Variants in TLN2 observed in about 807,000 individuals in gnomAD.
The protein encoded by TLN2 is talin 2.
Under a neutral mutation model 294.7 loss-of-function variants are expected in TLN2, and 118 were observed. The ratio of observed to expected loss-of-function variants is 0.40; its 90% confidence interval spans 0.34 to 0.47. The LOEUF (loss-of-function observed/expected upper bound fraction) is 0.47, where lower values mean the gene tolerates loss of function less well. Among genes scored for constraint, TLN2 ranks in the 20% least tolerant of loss-of-function variants. The probability of loss-of-function intolerance (pLI) is 0.84; values close to 1 mark genes in which losing one functional copy is unlikely to be tolerated. For synonymous variants in TLN2, 1,431 were observed against 1,304.5 expected (o/e 1.10, Z -2.09); for missense variants, 3,083 against 3,282.2 (o/e 0.94, Z 1.48).
Position 62,702,711 on chromosome 15 carries a change from T to C in TLN2, c.1906-55T>C, listed in dbSNP as rs2058790815. 1.8e-5 allele frequency: 27 copies of C among 1,530,874 alleles called. No homozygotes were observed. In the South Asian group the frequency reaches 2.8e-4, roughly 16 times the overall value. The allele number at this position is 1,530,874 out of a possible 1,614,324, so 94.8% of individuals were successfully genotyped here. ...CTACTTCCTGTACTTCCATGTCTGA[T>C]GGCACTGGAGGAAATGCGTTTTCTT... On this transcript the variant is annotated intron_variant, in intron 18 of 58. Coordinates refer to ENST00000636159, the MANE Select transcript of TLN2 (RefSeq NM_015059.3).
chr15:62,456,445 T>A (rs1477361091), intron 1 of TLN2, among the ~76,000 whole-genome samples: 1 of 152,222 alleles, frequency 6.6e-6, no homozygotes, highest in Non-Finnish European at 1.5e-5. Context: ...GATTTATGTG[T>A]TCCCTGGGTG....
intron 1 of TLN2, among the ~76,000 whole-genome samples, chr15:62,497,300 A>T (rs1460024061): frequency 6.6e-6 from 1 of 152,182 alleles, no homozygotes; most frequent in African/African-American, 2.4e-5. Flanking sequence ...TATCTGGGGC[A>T]GCATGTGAGA....
chr15:62,624,948 A>G (rs1161784500), intron 3 of TLN2, among the ~76,000 whole-genome samples: 1 of 152,202 alleles, frequency 6.6e-6, no homozygotes, highest in Non-Finnish European at 1.5e-5. Context: ...CCTAAAAGCT[A>G]CTTGTACCAA....
At chr15:62,547,482 CCAA>C (rs1307495443) in intron 1 of TLN2, among the ~76,000 whole-genome samples, 2 of 152,206 alleles carry the variant, frequency 1.3e-5, no homozygotes, top group African/African-American at 4.8e-5. Flanking sequence ...GGGGTAAATC[CCAA>C]CCTCTGTTTA....
At chr15:62,531,497 T>G (rs897404284) in intron 1 of TLN2, among the ~76,000 whole-genome samples, 1 of 152,098 alleles carries the variant, frequency 6.6e-6, no homozygotes, top group Non-Finnish European at 1.5e-5. Flanking sequence ...CACAGTGTGG[T>G]GAAGTGAATA....
intron 2 of TLN2, among the ~76,000 whole-genome samples, chr15:62,596,233 C>G (rs1596292968): frequency 7.5e-6 from 1 of 134,046 alleles, no homozygotes; most frequent in African/African-American, 2.8e-5. Flanking sequence ...CCACTGCACT[C>G]CAGCCTGGGC....
rs531134311 is a variant in TLN2 at position 62,401,588 on chromosome 15, T to G, written c.-238+10903T>G. Among the ~76,000 whole-genome samples, 7 of 152,286 alleles carry G rather than the reference T, an allele frequency of 4.6e-5. No individual in the cohort carries two copies. The East Asian group carries it at 1.2e-3, about 25-fold the overall frequency. On this transcript the variant is annotated intron_variant, in intron 1 of 58. Transcript: ENST00000636159. Reference sequence around the variant, plus strand: ...GATGTAGTTGGTTTGGGATGGGGCCTGGGCATTGGTGGGTAAGTTCTCCAT... The same window carrying G: ...GATGTAGTTGGTTTGGGATGGGGCCGGGGCATTGGTGGGTAAGTTCTCCAT...
Position 62,698,206 on chromosome 15 carries a change from T to G in TLN2, c.1473+338T>G, listed in dbSNP as rs909325867. Among the ~76,000 whole-genome samples, 15 of 152,190 alleles carry G rather than the reference T, an allele frequency of 9.9e-5. 3 individuals are homozygous for G. The highest frequency in any genetic ancestry group is 9.2e-4 in the Admixed American group (14 of 15,288). On this transcript the variant is annotated intron_variant, in intron 15 of 58. Coordinates refer to ENST00000636159, the MANE Select transcript of TLN2 (RefSeq NM_015059.3). The stretch of plus-strand genomic sequence containing the variant: ...ACCAGGTTTTTAGTGATTTTGAGGT[T>G]TCACGCTGGGAGTCATTGATTCCTT...
In TLN2 at chr15:62,657,796, C is replaced by T. The variant is rs2053389828; in HGVS notation, c.686C>T (p.Ser229Phe). 6.2e-7 allele frequency: 1 copy of T among 1,613,664 alleles called. No individual in the cohort carries two copies. Among genetic ancestry groups the T allele is most frequent in the Non-Finnish European group, 8.5e-7 (1 of 1,179,888 alleles). ...VQARDDILNG[S>F]HPVSFEKACE... ...GCACGGGATGACATCCTGAATGGCT[C>T]TCACCCTGTCTCCTTCGAGAAAGCT... Residue 229 changes from serine to phenylalanine, a missense_variant, in exon 9 of 59, where the codon TCT becomes TTT. Ser to Phe is a radical substitution (Grantham distance 155). Coordinates refer to ENST00000636159, the MANE Select transcript of TLN2 (RefSeq NM_015059.3).
chr15:62,504,818 G>GGTGT (rs377405417), intron 1 of TLN2, among the ~76,000 whole-genome samples: 1,543 of 143,522 alleles, frequency 0.011, 11 homozygotes, highest in African/African-American at 0.017. Context: ...TAGTTGGTGG[G>GGTGT]GTGTGTGTGT....
intron 10 of TLN2, among the ~76,000 whole-genome samples, 171 bp from the exon 11 acceptor site, chr15:62,675,046 C>T (rs1202144807): frequency 6.6e-6 from 1 of 152,228 alleles, no homozygotes; most frequent in African/African-American, 2.4e-5. Context: ...TTCCTGCATG[C>T]TCTGATCCTT....
intron 43 of TLN2, among the ~76,000 whole-genome samples, chr15:62,780,625 C>G (rs1247592080): frequency 2.6e-5 from 4 of 152,182 alleles, no homozygotes; most frequent in Non-Finnish European, 5.9e-5. Flanking sequence ...CAATTTATTC[C>G]TAGTGCTTCT....
chr15:62,835,583 C>T (rs996818571), intron 55 of TLN2, 154 bp from the exon 56 acceptor site: 21 of 773,272 alleles, frequency 2.7e-5, no homozygotes, highest in African/African-American at 2.1e-4. Context: ...CTGAGTCCCA[C>T]GTGAGAAAGG....
At chr15:62,554,171 A>G (rs2042478164) in intron 1 of TLN2, among the ~76,000 whole-genome samples, 1 of 151,796 alleles carries the variant, frequency 6.6e-6, no homozygotes. Context: ...TGTGAGGAAA[A>G]CACTTTAGTG....
chr15:62,699,054 C>A (rs2058544955), intron 16 of TLN2, among the ~76,000 whole-genome samples, 187 bp downstream of exon 16: 1 of 152,174 alleles, frequency 6.6e-6, no homozygotes, highest in Non-Finnish European at 1.5e-5. Flanking sequence ...TAGGGTACTG[C>A]TGGCTGTTGG....
intron 19 of TLN2, among the ~76,000 whole-genome samples, chr15:62,705,556 C>T (rs1463176575): frequency 6.6e-6 from 1 of 152,126 alleles, no homozygotes; most frequent in Non-Finnish European, 1.5e-5. Flanking sequence ...CTAACAAAGT[C>T]CTTTAGAACA....
At chr15:62,792,591 G>A (rs1476892567) in intron 45 of TLN2, 50 bp from the exon 46 acceptor site, 3 of 1,590,978 alleles carry the variant, frequency 1.9e-6, no homozygotes, top group African/African-American at 1.4e-5. Flanking sequence ...AGGCCTCGAT[G>A]GCAGAGTCCA....
chr15:62,425,399 C>T (rs568859175), intron 1 of TLN2, among the ~76,000 whole-genome samples: 99 of 152,254 alleles, frequency 6.5e-4, no homozygotes, highest in Middle Eastern at 3.4e-3. Context: ...CCTCACAGCC[C>T]GGTAACTCCC....
chr15:62,489,033 T>C (rs1273362105), intron 1 of TLN2, among the ~76,000 whole-genome samples: 2 of 152,154 alleles, frequency 1.3e-5, no homozygotes, highest in Non-Finnish European at 2.9e-5. Context: ...TGGTGGTGCA[T>C]GCCTGTAGTC....
Sources: allele counts gnomAD v4.1 joint callset (sites outside exome capture counted in the v4.1 genomes callset), GRCh38; gene constraint gnomAD v4.1.1; transcripts MANE v1.5; gene names NCBI Gene and HGNC (gene_info 2026-07-23, HGNC 2026-07-21).